Variants in ZNF407 observed in about 807,000 individuals in gnomAD.
The protein encoded by ZNF407 is zinc finger protein 407.
A neutral mutation model predicts 131.2 loss-of-function variants in ZNF407; 17 were observed. The ratio of observed to expected loss-of-function variants is 0.13; its 90% CI spans 0.09 to 0.19. ZNF407 has a LOEUF of 0.19. Among genes scored for constraint, ZNF407 ranks in the 10% least tolerant of loss-of-function variants. The probability of loss-of-function intolerance (pLI) is 1.00; values close to 1 mark genes in which losing one functional copy is unlikely to be tolerated. For missense variants in ZNF407, 2,681 were observed against 2,830.6 expected, an observed-to-expected ratio of 0.95 and a Z score of 1.20; for synonymous variants, 1,156 against 1,062.0, an observed-to-expected ratio of 1.09 and a Z score of -1.72.
At chr18:74,909,827 T>A (rs910711476) in intron 7 of ZNF407, among the ~76,000 whole-genome samples, 2 of 152,226 alleles carry the variant, frequency 1.3e-5, no homozygotes, top group Non-Finnish European at 2.9e-5. Flanking sequence ...TAGTCAAGTC[T>A]ATCTATGTTT....
chr18:74,733,103 A>G (rs1968332104), intron 3 of ZNF407, among the ~76,000 whole-genome samples: 1 of 152,082 alleles, frequency 6.6e-6, no homozygotes, highest in South Asian at 2.1e-4. Flanking sequence ...TTAAAATACT[A>G]GTTTTTGTCT....
intron 3 of ZNF407, among the ~76,000 whole-genome samples, chr18:74,760,243 T>C (rs1342500568): frequency 6.6e-6 from 1 of 152,218 alleles, no homozygotes; most frequent in Non-Finnish European, 1.5e-5. Flanking sequence ...GTCAAGGGGC[T>C]CTGTTGCATT....
At chr18:74,974,164 C>T (rs1972502627) in intron 8 of ZNF407, among the ~76,000 whole-genome samples, 1 of 152,140 alleles carries the variant, frequency 6.6e-6, no homozygotes, top group Admixed American at 6.5e-5. Context: ...CATTATGTCT[C>T]CCACCTCGAA....
In ZNF407 at chr18:74,891,217, C is replaced by G. The variant is rs568383729; in HGVS notation, c.5249+1179C>G. ...CCCCATGTGATGGTCTGTGGGACCCCACATAGTTTGCAGGCAGCTGAATGA... is the reference window on the plus strand; with the variant it reads ...CCCCATGTGATGGTCTGTGGGACCCGACATAGTTTGCAGGCAGCTGAATGA... On this transcript the variant is annotated intron_variant, in intron 7 of 8. Transcript: ENST00000299687. Among the ~76,000 whole-genome samples the G allele has an allele frequency of 2.6e-5, 4 of 152,264 alleles. No homozygotes were observed. In the South Asian group the frequency reaches 8.3e-4, roughly 32 times the overall value.
At chr18:74,784,643 C>A (rs1969670288) in intron 4 of ZNF407, among the ~76,000 whole-genome samples, 1 of 152,214 alleles carries the variant, frequency 6.6e-6, no homozygotes, top group Admixed American at 6.5e-5. Context: ...CAAACAATTA[C>A]ATATAACCAC....
intron 6 of ZNF407, among the ~76,000 whole-genome samples, chr18:74,882,922 A>G (rs1237906463): frequency 2.0e-5 from 3 of 152,210 alleles, no homozygotes; most frequent in African/African-American, 4.8e-5. Context: ...AATGCCATTG[A>G]AGTTCACCTT....
At chr18:74,708,232 T>A (rs1486262008) in intron 3 of ZNF407, among the ~76,000 whole-genome samples, 1 of 152,220 alleles carries the variant, frequency 6.6e-6, no homozygotes, top group African/African-American at 2.4e-5. Flanking sequence ...TAGTTTGGTG[T>A]GCAAAATTAA....
At chr18:74,824,835 A>C (rs1209365652) in intron 4 of ZNF407, among the ~76,000 whole-genome samples, 1 of 152,234 alleles carries the variant, frequency 6.6e-6, no homozygotes, top group Non-Finnish European at 1.5e-5. Flanking sequence ...AGAATATAAA[A>C]AGAGGGAATC....
chr18:74,958,466 G>C (rs935902636), intron 8 of ZNF407, among the ~76,000 whole-genome samples: 1 of 151,942 alleles, frequency 6.6e-6, no homozygotes, highest in African/African-American at 2.4e-5. Flanking sequence ...GAGGAGCCCC[G>C]TCATATACAC....
intron 4 of ZNF407, among the ~76,000 whole-genome samples, chr18:74,816,481 A>G (rs568288691): frequency 2.0e-5 from 3 of 152,198 alleles, no homozygotes; most frequent in Non-Finnish European, 4.4e-5. Flanking sequence ...TTCTGTTTCT[A>G]TAAATGCATT....
At chr18:74,675,497 CACAG>C (rs2144761971) in intron 3 of ZNF407, among the ~76,000 whole-genome samples, 1 of 152,214 alleles carries the variant, frequency 6.6e-6, no homozygotes, top group African/African-American at 2.4e-5. Context: ...GGGAAGAACA[CACAG>C]AGACAGGCAT....
chr18:74,854,726 C>A (rs754351701), intron 4 of ZNF407, among the ~76,000 whole-genome samples: 1 of 152,094 alleles, frequency 6.6e-6, no homozygotes, highest in East Asian at 1.9e-4. Context: ...CAGACACACA[C>A]ACATAGCCTA....
rs553580101 is a variant in ZNF407, at chr18:74,731,662, A to G, written c.4803-49766A>G. ...AGTTTTCAAGTTCTTTTTTATCCCTAATGTTTAGGCAGCCTTTATTCCAAA... is the reference window on the plus strand; with the variant it reads ...AGTTTTCAAGTTCTTTTTTATCCCTGATGTTTAGGCAGCCTTTATTCCAAA... On this transcript the variant is annotated intron_variant, in intron 3 of 8. Transcript: ENST00000299687. 1.7e-3 allele frequency among the ~76,000 whole-genome samples: 266 copies of G among 152,258 alleles called. 2 individuals are homozygous for G. The highest frequency in any genetic ancestry group is 6.2e-3 in the African/African-American group (258 of 41,548).
intron 8 of ZNF407, among the ~76,000 whole-genome samples, chr18:74,988,893 A>G (rs1972685308): frequency 6.6e-6 from 1 of 152,202 alleles, no homozygotes; most frequent in African/African-American, 2.4e-5. Flanking sequence ...TGGTACAGCC[A>G]CTTTACAAAA....
At chr18:74,984,673 C>G (rs1403863073) in intron 8 of ZNF407, among the ~76,000 whole-genome samples, 2 of 152,092 alleles carry the variant, frequency 1.3e-5, no homozygotes, top group African/African-American at 2.4e-5. Flanking sequence ...AAGAAAATCC[C>G]GTATTGTTTC....
At chr18:74,781,627 CTT>C (rs973166554) in intron 4 of ZNF407, 125 bp downstream of exon 4, 12 of 644,972 alleles carry the variant, frequency 1.9e-5, no homozygotes, top group African/African-American at 3.9e-5. Context: ...TTGTGGTACT[CTT>C]TTGTCAAATA....
intron 8 of ZNF407, among the ~76,000 whole-genome samples, chr18:75,011,059 T>C (rs1444008136): frequency 6.6e-6 from 1 of 152,182 alleles, no homozygotes; most frequent in Non-Finnish European, 1.5e-5. Context: ...AAAACCTGTG[T>C]GGAATTAGTG....
intron 3 of ZNF407, among the ~76,000 whole-genome samples, chr18:74,653,472 G>T (rs992701488): frequency 4.0e-5 from 6 of 151,794 alleles, no homozygotes; most frequent in Middle Eastern, 3.4e-3. Flanking sequence ...TGTAATCTCA[G>T]TATATTATTA....
chr18:74,920,419 A>C, intron 7 of ZNF407, 95 bp from the exon 8 acceptor site: 1 of 1,047,674 alleles, frequency 9.5e-7, no homozygotes, highest in South Asian at 2.5e-5. Flanking sequence ...AATAGTACCA[A>C]ACACATACAG....
Sources: gnomAD v4.1 joint callset for allele counts (sites outside exome capture counted in the v4.1 genomes callset) on GRCh38, gnomAD v4.1.1 for gene constraint, MANE v1.5 for transcripts, NCBI Gene and HGNC (gene_info 2026-07-23, HGNC 2026-07-21) for gene names.